Variants in STOM observed in about 807,000 individuals in gnomAD.
STOM encodes the protein erythrocyte band 7 integral membrane protein.
Under a neutral mutation model 30.6 loss-of-function variants are expected in STOM, and 25 were observed. The ratio of observed to expected loss-of-function variants is 0.82; its 90% CI spans 0.60 to 1.14. The LOEUF is 1.14. Among genes scored for constraint, STOM ranks in the 50% most tolerant of loss-of-function variants. The pLI is 0.00. For synonymous variants in STOM, 118 were observed against 130.8 expected, an observed-to-expected ratio of 0.90 and a Z score of 0.67; for missense variants, 292 against 365.2, an observed-to-expected ratio of 0.80 and a Z score of 1.63.
intron 1 of STOM, among the ~76,000 whole-genome samples, chr9:121,358,444 G>GGAAA (rs143722422): frequency 0.032 from 4,893 of 151,696 alleles, 98 homozygotes; most frequent in Middle Eastern, 0.061. Flanking sequence ...AACAAAGTGA[G>GGAAA]GAAAGAAAGA....
chr9:121,365,296 C>T (rs167395), intron 1 of STOM, among the ~76,000 whole-genome samples: 2 of 151,974 alleles, frequency 1.3e-5, no homozygotes, highest in African/African-American at 4.8e-5. Flanking sequence ...CCAACCATGA[C>T]GTTAGAGAAT....
At position 121,356,140 on chromosome 9, in the gene STOM, G is replaced by C. The variant is rs141204528; in HGVS notation, c.78C>G (p.Gly26=). ...CCAAAATCCATCCGCAAGGTCCAAG[G>C]CCCTTACTGGGGCTGTCTGTTGAAA... The part of the protein sequence containing the change: ...PDSFKDSPSK[G]LGPCGWILVA... Residue 26 remains glycine (G), a synonymous_variant, in exon 2 of 7, where the codon GGC becomes GGG. Transcript: ENST00000286713. 1.3e-4 allele frequency: 202 copies of C among 1,613,846 alleles called. No homozygotes were observed. The highest frequency in any genetic ancestry group is 8.8e-4 in the African/African-American group (66 of 74,906).
intron 5 of STOM, among the ~76,000 whole-genome samples, 197 bp downstream of exon 5, chr9:121,348,923 G>A (rs1005050334): frequency 6.6e-6 from 1 of 152,212 alleles, no homozygotes; most frequent in South Asian, 2.1e-4. Flanking sequence ...AAAAATGTAC[G>A]CATGAGTGTT....
chr9:121,368,877 T>G (rs1589301946), intron 1 of STOM, among the ~76,000 whole-genome samples: 1 of 150,836 alleles, frequency 6.6e-6, no homozygotes, highest in Non-Finnish European at 1.5e-5. Context: ...GAGGCGGAGG[T>G]TGCAGTGAGC....
intron 1 of STOM, among the ~76,000 whole-genome samples, chr9:121,366,921 TAA>T (rs769311927): frequency 3.5e-4 from 49 of 138,810 alleles, no homozygotes; most frequent in Admixed American, 4.4e-4. Flanking sequence ...GACCCTGAGT[TAA>T]AAAAAAAAAA....
intron 1 of STOM, among the ~76,000 whole-genome samples, chr9:121,357,898 A>G (rs1185138415): frequency 6.8e-6 from 1 of 147,646 alleles, no homozygotes; most frequent in Non-Finnish European, 1.5e-5. Context: ...ACCATTCTAT[A>G]TGATTAGTAC....
At chr9:121,347,864 A>G (rs1293981352) in intron 6 of STOM, 151 bp downstream of exon 6, 2 of 963,456 alleles carry the variant, frequency 2.1e-6, no homozygotes, top group African/African-American at 3.3e-5. Flanking sequence ...CTGGGGGAAT[A>G]TGATTTGAAG....
chr9:121,345,880 T>C (rs2064285016), intron 6 of STOM, among the ~76,000 whole-genome samples: 1 of 152,220 alleles, frequency 6.6e-6, no homozygotes, highest in Non-Finnish European at 1.5e-5. Flanking sequence ...TAATCAACTG[T>C]GCGACCTTGC....
intron 6 of STOM, 72 bp downstream of exon 6, chr9:121,347,943 T>A: frequency 6.7e-7 from 1 of 1,503,014 alleles, no homozygotes; most frequent in Non-Finnish European, 8.9e-7. Flanking sequence ...AGCAAGCATG[T>A]TTTACGTTTT....
chr9:121,365,075 G>A (rs1391819712), intron 1 of STOM, among the ~76,000 whole-genome samples: 1 of 151,902 alleles, frequency 6.6e-6, no homozygotes, highest in Non-Finnish European at 1.5e-5. Flanking sequence ...GTATATAACA[G>A]GTACTCAAAA....
intron 6 of STOM, among the ~76,000 whole-genome samples, chr9:121,341,772 T>C (rs965759340): frequency 6.6e-6 from 1 of 152,186 alleles, no homozygotes; most frequent in Non-Finnish European, 1.5e-5. Context: ...CTCTGATGAG[T>C]ACCTTACTAA....
At chr9:121,367,286 T>A (rs2064514211) in intron 1 of STOM, among the ~76,000 whole-genome samples, 1 of 152,228 alleles carries the variant, frequency 6.6e-6, no homozygotes. Context: ...TCCATCTGTA[T>A]CACTTTATCA....
intron 1 of STOM, among the ~76,000 whole-genome samples, chr9:121,361,817 C>T (rs952762847): frequency 6.6e-5 from 10 of 152,150 alleles, no homozygotes; most frequent in Admixed American, 4.6e-4. Flanking sequence ...GGACCAGTTT[C>T]GTGGAAGACA....
At chr9:121,367,439 A>G (rs1305512324) in intron 1 of STOM, among the ~76,000 whole-genome samples, 4 of 152,224 alleles carry the variant, frequency 2.6e-5, no homozygotes, top group Non-Finnish European at 4.4e-5. Context: ...CCATAAGTTA[A>G]TTTATGACCA....
At chr9:121,358,740 G>A (rs2064421479) in intron 1 of STOM, among the ~76,000 whole-genome samples, 1 of 152,086 alleles carries the variant, frequency 6.6e-6, no homozygotes, top group Non-Finnish European at 1.5e-5. Flanking sequence ...TGTTTTTTCT[G>A]GAATTACTGT....
rs996854473 is a variant in STOM, at chr9:121,340,373, CAAGT to C, written c.*825_*828del. On this transcript the variant is annotated 3_prime_UTR_variant, in exon 7 of 7. Transcript: ENST00000286713. ...GTACAGGCAAGAAAATGGCTACTCT[CAAGT>C]AAGGATTATTCTGAAACACGGTCTG... The C allele has an allele frequency of 7.1e-6, 7 of 985,240 alleles. No individual in the cohort carries two copies. In the Admixed American group the frequency reaches 3.1e-4, roughly 43 times the overall value. 61.0% of individuals were successfully genotyped at this position (985,240 alleles called of 1,614,324 possible).
chr9:121,363,419 C>CATCAGTGATTCTTT (rs2064472838), intron 1 of STOM, among the ~76,000 whole-genome samples: 1 of 151,980 alleles, frequency 6.6e-6, no homozygotes, highest in Non-Finnish European at 1.5e-5. Context: ...TATGATTCTT[C>CATCAGTGATTCTTT]ATCAGTGATT....
intron 2 of STOM, 105 bp from the exon 3 acceptor site, chr9:121,354,778 C>CT: frequency 1.3e-6 from 1 of 748,950 alleles, no homozygotes; most frequent in Non-Finnish European, 2.1e-6. Flanking sequence ...GATGCCTCAT[C>CT]TTTTTTCTTT....
At chr9:121,362,979 C>T (rs941630884) in intron 1 of STOM, among the ~76,000 whole-genome samples, 1 of 152,186 alleles carries the variant, frequency 6.6e-6, no homozygotes, top group African/African-American at 2.4e-5. Flanking sequence ...TTAACCTTAG[C>T]ACTACTGGAA....
Sources: allele counts gnomAD v4.1 joint callset (sites outside exome capture counted in the v4.1 genomes callset), GRCh38; gene constraint gnomAD v4.1.1; transcripts MANE v1.5; gene names NCBI Gene and HGNC (gene_info 2026-07-23, HGNC 2026-07-21).